Variants in MVB12B observed in about 807,000 individuals in gnomAD.
MVB12B encodes multivesicular body subunit 12B.
MVB12B carries 16 observed loss-of-function variants against 41.6 expected under a neutral mutation model. The ratio of observed to expected loss-of-function variants is 0.38; its 90% CI spans 0.26 to 0.58. MVB12B has a LOEUF of 0.58. Among genes scored for constraint, MVB12B ranks in the 20% least tolerant of loss-of-function variants. MVB12B has a pLI of 0.62. For synonymous variants in MVB12B, 133 were observed against 139.7 expected (o/e 0.95, Z 0.34); for missense variants, 274 against 380.2 (o/e 0.72, Z 2.32).
At chr9:126,481,507 G>A in intron 8 of MVB12B, 83 bp downstream of exon 8, 5 of 1,027,356 alleles carry the variant, frequency 4.9e-6, no homozygotes, top group Non-Finnish European at 7.7e-6. Context: ...AGCACGCAGG[G>A]CTGTTCTGGC....
At chr9:126,387,436 C>T (rs1300786593) in intron 4 of MVB12B, among the ~76,000 whole-genome samples, 1 of 152,018 alleles carries the variant, frequency 6.6e-6, no homozygotes, top group Non-Finnish European at 1.5e-5. Flanking sequence ...AATTCTCTGT[C>T]TCATTTTCTG....
chr9:126,354,923 C>T (rs1829841372), intron 2 of MVB12B, among the ~76,000 whole-genome samples: 1 of 152,168 alleles, frequency 6.6e-6, no homozygotes, highest in South Asian at 2.1e-4. Flanking sequence ...AATATACCGT[C>T]TATTTTATTG....
intron 2 of MVB12B, among the ~76,000 whole-genome samples, chr9:126,373,861 G>GA (rs923886148): frequency 2.0e-5 from 3 of 151,826 alleles, no homozygotes; most frequent in African/African-American, 7.2e-5. Flanking sequence ...AAATACAGGG[G>GA]AAAAAAAAGA....
chr9:126,399,119 A>G (rs763494974), intron 6 of MVB12B, among the ~76,000 whole-genome samples: 9 of 152,198 alleles, frequency 5.9e-5, no homozygotes, highest in Middle Eastern at 3.2e-3. Flanking sequence ...GCAGGTCCCC[A>G]GGGAGAGGGA....
intron 3 of MVB12B, among the ~76,000 whole-genome samples, chr9:126,382,011 A>T (rs539716436): frequency 6.6e-6 from 1 of 150,952 alleles, no homozygotes; most frequent in Non-Finnish European, 1.5e-5. Context: ...GCCATATGTT[A>T]TTGTCTCTTT....
At chr9:126,403,952 T>G (rs1387342761) in intron 6 of MVB12B, among the ~76,000 whole-genome samples, 1 of 72,980 alleles carries the variant, frequency 1.4e-5, no homozygotes, top group Non-Finnish European at 3.0e-5. Context: ...CTTTAAATCT[T>G]TTTTTTTTTT....
chr9:126,349,344 A>G (rs1355197661), intron 2 of MVB12B, among the ~76,000 whole-genome samples: 1 of 152,230 alleles, frequency 6.6e-6, no homozygotes, highest in Non-Finnish European at 1.5e-5. Context: ...CATGCACACA[A>G]GCAAGTCATT....
intron 2 of MVB12B, among the ~76,000 whole-genome samples, chr9:126,374,360 T>C (rs935138544): frequency 7.2e-5 from 11 of 152,310 alleles, no homozygotes; most frequent in Middle Eastern, 3.4e-3. Context: ...ACCTCAGCGG[T>C]CTCTTTACAG....
chr9:126,331,270 A>C (rs952009597), intron 1 of MVB12B, among the ~76,000 whole-genome samples: 1 of 152,106 alleles, frequency 6.6e-6, no homozygotes. Context: ...GCTTGCGAAC[A>C]GTTATTTTGT....
Position 126,357,841 on chromosome 9 carries a change from TA to T in MVB12B, c.204+17212del, listed in dbSNP as rs371025701. On this transcript the variant is annotated intron_variant, in intron 2 of 9. Transcript: ENST00000361171. ...TTTTAAAATTTGATGAAGTCTAGTT[TA>T]TTTTTTTTCTTTTATAGTTAGTGCT... is the stretch of plus-strand genomic sequence containing the variant. Among the ~76,000 whole-genome samples, 23 of 152,320 alleles carry T rather than the reference TA, an allele frequency of 1.5e-4. No individual in the cohort carries two copies. In the South Asian group the frequency reaches 4.6e-3, roughly 30 times the overall value.
chr9:126,441,128 T>G (rs957126580), intron 7 of MVB12B, among the ~76,000 whole-genome samples: 7 of 152,190 alleles, frequency 4.6e-5, no homozygotes, highest in Non-Finnish European at 1.5e-5. Context: ...CACAGAAAAC[T>G]TAATAATCCA....
intron 7 of MVB12B, among the ~76,000 whole-genome samples, chr9:126,475,204 T>C (rs1564344444): frequency 6.6e-6 from 1 of 152,220 alleles, no homozygotes; most frequent in Non-Finnish European, 1.5e-5. Flanking sequence ...TTACTGGTTT[T>C]CACTCTGTTA....
At chr9:126,472,798 G>A (rs1041033117) in intron 7 of MVB12B, among the ~76,000 whole-genome samples, 1 of 152,012 alleles carries the variant, frequency 6.6e-6, no homozygotes, top group African/African-American at 2.4e-5. Context: ...TATGATAAAG[G>A]GCATATACTT....
intron 1 of MVB12B, chr9:126,335,418 G>C (rs574971730): frequency 7.8e-5 from 102 of 1,303,946 alleles, no homozygotes; most frequent in Non-Finnish European, 9.6e-5. Flanking sequence ...GTAGGTCTCT[G>C]CAACTTTCTG....
rs1360820100 is a variant in MVB12B, at chr9:126,386,930, G to A, written c.409+272G>A. ...GAATCGGCTCACTGGGGAATGGAAT[G>A]GTGAAACTATACAGTTTGTCTTTAG... is the stretch of plus-strand genomic sequence containing the variant. On this transcript the variant is annotated intron_variant, in intron 4 of 9. Transcript: ENST00000361171. The surrounding 1 kb of genome is among the most constrained non-coding windows in gnomAD (Gnocchi z 4.3). 6.6e-6 allele frequency among the ~76,000 whole-genome samples: 1 copy of A among 152,038 alleles called. No homozygotes were observed. The highest frequency in any genetic ancestry group is 1.5e-5 in the Non-Finnish European group (1 of 68,016).
intron 7 of MVB12B, among the ~76,000 whole-genome samples, chr9:126,472,174 A>C (rs1278346991): frequency 6.6e-6 from 1 of 151,586 alleles, no homozygotes; most frequent in Non-Finnish European, 1.5e-5. Context: ...GAGCCTTGGG[A>C]GTTGGTCAGT....
chr9:126,416,957 C>T (rs528268649), intron 6 of MVB12B, among the ~76,000 whole-genome samples: 6 of 152,344 alleles, frequency 3.9e-5, no homozygotes, highest in Admixed American at 3.3e-4. Flanking sequence ...ACTTCTCCTT[C>T]GGCAGGTGAC....
At chr9:126,447,765 A>G (rs180856127) in intron 7 of MVB12B, among the ~76,000 whole-genome samples, 1 of 152,300 alleles carries the variant, frequency 6.6e-6, no homozygotes, top group Admixed American at 6.5e-5. Flanking sequence ...TGACCAAACA[A>G]TGGTAGCTTT....
chr9:126,442,362 G>A (rs1832661738), intron 7 of MVB12B, among the ~76,000 whole-genome samples: 1 of 152,176 alleles, frequency 6.6e-6, no homozygotes, highest in African/African-American at 2.4e-5. Flanking sequence ...TCATGGTGGG[G>A]TGGATTTTAG....
Sources: gnomAD v4.1 joint callset for allele counts (sites outside exome capture counted in the v4.1 genomes callset) on GRCh38, gnomAD v4.1.1 for gene constraint, Gnocchi (gnomAD v3.1) non-coding constraint, MANE v1.5 for transcripts, NCBI Gene and HGNC (gene_info 2026-07-23, HGNC 2026-07-21) for gene names.